Variants in FRMD3 observed in about 807,000 individuals in gnomAD.
FRMD3 encodes the protein FERM domain containing 3.
A neutral mutation model predicts 70.2 loss-of-function variants in FRMD3; 33 were observed. The ratio of observed to expected loss-of-function variants is 0.47; its 90% CI spans 0.36 to 0.63. The LOEUF (loss-of-function observed/expected upper bound fraction) is 0.63. FRMD3 is among the 20% of genes least tolerant of loss of function. The pLI, the probability that FRMD3 is intolerant of heterozygous loss-of-function variation, is 0.00. For missense variants in FRMD3, 632 were observed against 711.4 expected (o/e 0.89, Z 1.27); for synonymous variants, 279 against 255.9 (o/e 1.09, Z -0.86).
At chr9:83,393,942 T>G (rs943832360) in intron 1 of FRMD3, among the ~76,000 whole-genome samples, 1 of 107,956 alleles carries the variant, frequency 9.3e-6, no homozygotes, top group Non-Finnish European at 2.0e-5. Context: ...TTTTTTTTGT[T>G]GTTGTTGTTT....
chr9:83,275,523 T>C (rs1217132383), intron 13 of FRMD3, among the ~76,000 whole-genome samples: 1 of 151,952 alleles, frequency 6.6e-6, no homozygotes, highest in African/African-American at 2.4e-5. Context: ...TGGGACAAAA[T>C]AATCTGAAGG....
chr9:83,502,604 C>A (rs1024585117), intron 1 of FRMD3, among the ~76,000 whole-genome samples: 3 of 152,040 alleles, frequency 2.0e-5, no homozygotes, highest in African/African-American at 7.2e-5. Flanking sequence ...AAGAGGTGGG[C>A]AGACAAATCA....
At chr9:83,396,749 T>C (rs1587814003) in intron 1 of FRMD3, among the ~76,000 whole-genome samples, 1 of 152,260 alleles carries the variant, frequency 6.6e-6, no homozygotes, top group East Asian at 1.9e-4. Context: ...AGCCTGTGTC[T>C]GCAAACTGTC....
At chr9:83,496,094 G>T (rs1376182426) in intron 1 of FRMD3, among the ~76,000 whole-genome samples, 1 of 152,128 alleles carries the variant, frequency 6.6e-6, no homozygotes, top group Non-Finnish European at 1.5e-5. Flanking sequence ...TTTACACCAT[G>T]TGCCTCAAAT....
chr9:83,575,052 C>T, the FRMD3 span, among the ~76,000 whole-genome samples: 1 of 152,148 alleles, frequency 6.6e-6, no homozygotes, highest in African/African-American at 2.4e-5. Flanking sequence ...ACTGCAACAT[C>T]ACCCTGAAAA....
At chr9:83,370,775 G>A (rs192837074) in intron 3 of FRMD3, among the ~76,000 whole-genome samples, 4 of 152,250 alleles carry the variant, frequency 2.6e-5, no homozygotes, top group Non-Finnish European at 4.4e-5. Flanking sequence ...AGCCAGGCAC[G>A]GTAGTGCACG....
chr9:83,315,367 C>T (rs1421435284), intron 6 of FRMD3, among the ~76,000 whole-genome samples: 1 of 152,224 alleles, frequency 6.6e-6, no homozygotes, highest in South Asian at 2.1e-4. Flanking sequence ...GTGGGATGTG[C>T]CGTGTGGAAC....
intron 2 of FRMD3, among the ~76,000 whole-genome samples, chr9:83,376,611 CTTTTTTT>C (rs5898828): frequency 4.5e-5 from 6 of 132,018 alleles, no homozygotes; most frequent in East Asian, 2.2e-4. Flanking sequence ...TGCTATATTC[CTTTTTTT>C]TTTTTTTTTG....
intron 5 of FRMD3, among the ~76,000 whole-genome samples, chr9:83,342,720 ATAG>A (rs1823811205): frequency 6.7e-6 from 1 of 148,356 alleles, no homozygotes; most frequent in Non-Finnish European, 1.5e-5. Flanking sequence ...AGATAGATAG[ATAG>A]ATAGATAGAT....
chr9:83,382,454 T>G (rs1237368189), intron 2 of FRMD3, among the ~76,000 whole-genome samples: 1 of 152,178 alleles, frequency 6.6e-6, no homozygotes, highest in South Asian at 2.1e-4. Flanking sequence ...ATAAGTAGTA[T>G]TAGTATCCTT....
intron 13 of FRMD3, among the ~76,000 whole-genome samples, chr9:83,262,196 A>C (rs1431440148): frequency 1.3e-5 from 2 of 152,210 alleles, no homozygotes; most frequent in East Asian, 3.8e-4. Flanking sequence ...GCAACTGTAC[A>C]TAGGAACATC....
chr9:83,282,274 C>G (rs1175299838), intron 13 of FRMD3, among the ~76,000 whole-genome samples: 1 of 152,002 alleles, frequency 6.6e-6, no homozygotes, highest in Non-Finnish European at 1.5e-5. Flanking sequence ...GCTTTGCTGG[C>G]AAAATTTTAA....
At chr9:83,354,009 C>T (rs556621443) in intron 3 of FRMD3, among the ~76,000 whole-genome samples, 1 of 152,110 alleles carries the variant, frequency 6.6e-6, no homozygotes, top group South Asian at 2.1e-4. Context: ...ACTGCAACCT[C>T]CGCCTCTTGG....
At chr9:83,292,636 A>G (rs934892049) in intron 12 of FRMD3, among the ~76,000 whole-genome samples, 5 of 151,700 alleles carry the variant, frequency 3.3e-5, no homozygotes, top group African/African-American at 4.8e-5. Flanking sequence ...AACTACCCCC[A>G]ACTTTGTATT....
rs898249689 is a variant in FRMD3, at chr9:83,460,812, A to C, written c.148-71104T>G. Among the ~76,000 whole-genome samples the C allele has an allele frequency of 1.2e-4, 19 of 152,320 alleles. 1 individual carries two copies. In the South Asian group the frequency reaches 3.9e-3, roughly 32 times the overall value. Reference sequence around the variant, plus strand: ...TTTATTCTTCCACTTAAAAATATATAAGCAAAGTATCCCAATTTTTAAATG... The same window carrying C: ...TTTATTCTTCCACTTAAAAATATATCAGCAAAGTATCCCAATTTTTAAATG... On this transcript the variant is annotated intron_variant, in intron 1 of 13. Transcript: ENST00000304195.
At chr9:83,371,473 C>T (rs1283746127) in intron 3 of FRMD3, among the ~76,000 whole-genome samples, 1 of 152,160 alleles carries the variant, frequency 6.6e-6, no homozygotes, top group Non-Finnish European at 1.5e-5. Context: ...ACCACCACCA[C>T]ACCCAGCTAA....
chr9:83,388,707 C>T (rs751279538), intron 2 of FRMD3, among the ~76,000 whole-genome samples: 1 of 152,164 alleles, frequency 6.6e-6, no homozygotes, highest in Non-Finnish European at 1.5e-5. Context: ...AAAACAGGGG[C>T]TTTCAAGTTT....
At chr9:83,565,366 C>A in the FRMD3 span, among the ~76,000 whole-genome samples, 2 of 152,080 alleles carry the variant, frequency 1.3e-5, no homozygotes, top group Non-Finnish European at 2.9e-5. Context: ...TTACTAAAGG[C>A]GCATGCTATA....
At chr9:83,455,224 A>G (rs1166602285) in intron 1 of FRMD3, among the ~76,000 whole-genome samples, 1 of 152,154 alleles carries the variant, frequency 6.6e-6, no homozygotes, top group Non-Finnish European at 1.5e-5. Context: ...GCACTTCTTT[A>G]TACTTTTACT....
Sources: gnomAD v4.1 joint callset for allele counts (sites outside exome capture counted in the v4.1 genomes callset) on GRCh38, gnomAD v4.1.1 for gene constraint, MANE v1.5 for transcripts, NCBI Gene and HGNC (gene_info 2026-07-23, HGNC 2026-07-21) for gene names.